The following ZNF827 variants were observed in gnomAD, a reference collection of about 807,000 sequenced individuals.
ZNF827 encodes the protein zinc finger protein 827.
Under a neutral mutation model 102.4 loss-of-function variants are expected in ZNF827, and 13 were observed. The ratio of observed to expected loss-of-function variants is 0.13; its 90% confidence interval spans 0.08 to 0.20. The LOEUF (loss-of-function observed/expected upper bound fraction) is 0.20. ZNF827 is among the 10% of genes least tolerant of loss of function. The pLI, the probability that ZNF827 is intolerant of heterozygous loss-of-function variation, is 1.00. For synonymous variants in ZNF827, 523 were observed against 536.2 expected (o/e 0.98, Z 0.34); for missense variants, 1,103 against 1,344.4 (o/e 0.82, Z 2.81).
rs113838687 is a variant in ZNF827 at position 145,933,787 on chromosome 4, G to GAA, written c.43+4576_43+4577dup. Among the ~76,000 whole-genome samples, 628 of 141,488 alleles carry GAA rather than the reference G, an allele frequency of 4.4e-3. 9 individuals carry two copies. The highest frequency in any genetic ancestry group is 0.024 in the East Asian group (115 of 4,888). The allele number at this position is 141,488 out of a possible 152,430, so 92.8% of individuals were successfully genotyped here. The stretch of plus-strand genomic sequence containing the variant: ...GAAGAAATAAGTGATCACCAATGGT[G>GAA]AAAAAAAAAAAAACAAAAAAACAAG... On this transcript the variant is annotated intron_variant, in intron 1 of 14. Transcript: ENST00000508784.
At chr4:145,827,488 T>C (rs1050167267) in intron 7 of ZNF827, among the ~76,000 whole-genome samples, 3 of 152,310 alleles carry the variant, frequency 2.0e-5, no homozygotes, top group Admixed American at 1.3e-4. Context: ...GCCTGGTCAA[T>C]TTGCAACTCT....
chr4:145,894,793 T>A (rs1460697435), intron 2 of ZNF827, among the ~76,000 whole-genome samples: 1 of 152,188 alleles, frequency 6.6e-6, no homozygotes, highest in Non-Finnish European at 1.5e-5. Flanking sequence ...GTAGCTTTTC[T>A]GCTGTCTCTT....
intron 11 of ZNF827, among the ~76,000 whole-genome samples, chr4:145,768,858 CA>C (rs1174930111): frequency 2.2e-4 from 1 of 4,532 alleles, no homozygotes; most frequent in Non-Finnish European, 4.6e-4. Context: ...GACTCCGTCT[CA>C]AAAAAAAAAA....
chr4:145,810,598 C>T (rs1741914060), intron 8 of ZNF827, among the ~76,000 whole-genome samples: 1 of 152,216 alleles, frequency 6.6e-6, no homozygotes, highest in African/African-American at 2.4e-5. Flanking sequence ...CATGCATATA[C>T]AAGCTATTAT....
intron 11 of ZNF827, among the ~76,000 whole-genome samples, chr4:145,769,469 T>C (rs1359422614): frequency 1.3e-5 from 2 of 152,158 alleles, no homozygotes; most frequent in Non-Finnish European, 2.9e-5. Context: ...TCAACTACCA[T>C]CTCTAAACAT....
intron 9 of ZNF827, among the ~76,000 whole-genome samples, 160 bp from the exon 10 acceptor site, chr4:145,776,120 T>A (rs1737046480): frequency 6.6e-6 from 1 of 152,188 alleles, no homozygotes; most frequent in Admixed American, 6.6e-5. Context: ...TCTAAAAGTC[T>A]TTACCCAGCA....
chr4:145,783,443 T>C (rs539122791), intron 8 of ZNF827, among the ~76,000 whole-genome samples: 1 of 152,330 alleles, frequency 6.6e-6, no homozygotes, highest in Admixed American at 6.5e-5. Context: ...ATTCTATTAG[T>C]GGAAATGTTT....
At chr4:145,795,571 A>G (rs1740298773) in intron 8 of ZNF827, among the ~76,000 whole-genome samples, 1 of 152,242 alleles carries the variant, frequency 6.6e-6, no homozygotes, top group Non-Finnish European at 1.5e-5. Flanking sequence ...ATATCCCAAA[A>G]CAAAAATTAG....
intron 2 of ZNF827, among the ~76,000 whole-genome samples, chr4:145,895,135 AGAG>A (rs1236056465): frequency 1.3e-5 from 2 of 152,200 alleles, no homozygotes; most frequent in East Asian, 3.9e-4. Context: ...ACTGTCTGGA[AGAG>A]GAGAGAAAAA....
At position 145,765,617 on chromosome 4, in the gene ZNF827, G is replaced by A. The variant is rs777958792; in HGVS notation, c.2982C>T (p.Asn994=). The change falls in exon 12 of 15, where the codon AAC becomes AAT. Residue 994 remains asparagine, a synonymous_variant. Transcript: ENST00000508784. The surrounding 1 kb of genome is among the most constrained non-coding windows in gnomAD (Gnocchi z 4.7). ...SDGSQKNKGG[N]NLLVISVMPG... ...GCATGACAGAGATGACCAGCAGATT[G>A]TTCCCGCCCTTGTTTTTCTGGGAGC... is the stretch of plus-strand genomic sequence containing the variant. 9 of 1,614,134 alleles carry A rather than the reference G, an allele frequency of 5.6e-6. No individual in the cohort carries two copies. The East Asian group carries it at 2.0e-4, about 36-fold the overall frequency.
intron 9 of ZNF827, among the ~76,000 whole-genome samples, chr4:145,777,217 A>G (rs6830792): frequency 0.03 from 4,608 of 152,318 alleles, 220 homozygotes; most frequent in African/African-American, 0.1. Context: ...CACTGTCCAG[A>G]TAAAATGTGT....
chr4:145,759,730 T>C lies in ZNF827; in HGVS notation c.*1886A>G, dbSNP rs753916994. ...AGAAACAAAAACTAGTGCAAGACCA[T>C]AGCACTGTGCAAAACTGCCATTTCT... On this transcript the variant is annotated 3_prime_UTR_variant, in exon 15 of 15. Coordinates refer to ENST00000508784, the MANE Select transcript of ZNF827 (RefSeq NM_001306215.2). The C allele has an allele frequency of 2.6e-5, 4 of 152,090 alleles. No homozygotes were observed. Among genetic ancestry groups the C allele is most frequent in the Admixed American group, 6.5e-5 (1 of 15,268 alleles). 9.4% of individuals were successfully genotyped at this position (152,090 alleles called of 1,614,324 possible).
chr4:145,885,612 G>GAC (rs1554005813), intron 4 of ZNF827, 66 bp downstream of exon 4: 3 of 18,200 alleles, frequency 1.6e-4, no homozygotes, highest in African/African-American at 1.4e-3. Flanking sequence ...GACAGAGACA[G>GAC]AGAGAGAGAG....
chr4:145,819,657 A>G (rs1742953295), intron 8 of ZNF827, among the ~76,000 whole-genome samples: 1 of 152,202 alleles, frequency 6.6e-6, no homozygotes, highest in African/African-American at 2.4e-5. Context: ...TTTCTTTTGT[A>G]AAGTCACCAG....
intron 8 of ZNF827, among the ~76,000 whole-genome samples, chr4:145,814,307 A>T (rs1430977555): frequency 6.6e-6 from 1 of 152,174 alleles, no homozygotes; most frequent in Non-Finnish European, 1.5e-5. Flanking sequence ...CAGTACCTGC[A>T]TGTATTTCCT....
intron 8 of ZNF827, among the ~76,000 whole-genome samples, chr4:145,781,145 G>A (rs531595709): frequency 1.6e-5 from 2 of 122,572 alleles, no homozygotes; most frequent in South Asian, 2.8e-4. Flanking sequence ...GCAGTGAGCC[G>A]AGATTGTGCC....
chr4:145,843,011 C>G (rs1001498627), intron 7 of ZNF827, among the ~76,000 whole-genome samples: 5 of 152,052 alleles, frequency 3.3e-5, no homozygotes, highest in Admixed American at 2.6e-4. Context: ...TGATCTTGTA[C>G]CTGCAGAGTA....
intron 8 of ZNF827, among the ~76,000 whole-genome samples, chr4:145,818,500 ATT>A (rs1425663877): frequency 6.6e-6 from 1 of 152,234 alleles, no homozygotes; most frequent in Non-Finnish European, 1.5e-5. Context: ...TACAAAATGA[ATT>A]TGTCTCATCA....
intron 8 of ZNF827, among the ~76,000 whole-genome samples, chr4:145,797,727 T>C (rs963520009): frequency 9.2e-5 from 14 of 152,226 alleles, no homozygotes; most frequent in African/African-American, 3.4e-4. Flanking sequence ...TGAATAATTT[T>C]TAAGCATTAT....
Sources: allele counts gnomAD v4.1 joint callset (sites outside exome capture counted in the v4.1 genomes callset), GRCh38; gene constraint gnomAD v4.1.1; non-coding constraint Gnocchi (gnomAD v3.1); transcripts MANE v1.5; gene names NCBI Gene and HGNC (gene_info 2026-07-23, HGNC 2026-07-21).